TMEM131L: variants seen among roughly 807,000 people sequenced by gnomAD.
The protein encoded by TMEM131L is transmembrane 131 like.
TMEM131L carries 54 observed loss-of-function variants against 192.2 expected under a neutral mutation model. The observed-to-expected ratio is 0.28, with a 90% CI of 0.23 to 0.35. TMEM131L has a LOEUF of 0.35. Ranked by LOEUF, TMEM131L falls within the 10% of genes least tolerant of loss-of-function variation. TMEM131L has a pLI of 1.00. For missense variants in TMEM131L, 1,888 were observed against 1,972.9 expected (o/e 0.96, Z 0.82); for synonymous variants, 701 against 704.9 (o/e 0.99, Z 0.09).
intron 4 of TMEM131L, among the ~76,000 whole-genome samples, chr4:153,550,436 C>A (rs567991202): frequency 6.6e-6 from 1 of 152,240 alleles, no homozygotes; most frequent in Admixed American, 6.5e-5. Flanking sequence ...ACGCCATTCT[C>A]CTACCTCAGC....
intron 7 of TMEM131L, among the ~76,000 whole-genome samples, chr4:153,570,437 G>A (rs1045027571): frequency 6.6e-6 from 1 of 152,182 alleles, no homozygotes; most frequent in Non-Finnish European, 1.5e-5. Context: ...TTAGTCAGGA[G>A]GCTAATCTGG....
intron 3 of TMEM131L, among the ~76,000 whole-genome samples, chr4:153,510,578 C>T (rs1734285807): frequency 1.3e-5 from 2 of 152,120 alleles, no homozygotes; most frequent in South Asian, 4.1e-4. Flanking sequence ...AAATGTTTCC[C>T]ATTTTTGCAT....
intron 3 of TMEM131L, among the ~76,000 whole-genome samples, chr4:153,525,369 T>A (rs1284950814): frequency 6.6e-6 from 1 of 152,200 alleles, no homozygotes; most frequent in Non-Finnish European, 1.5e-5. Flanking sequence ...AGACTGGATC[T>A]CACTCTGTCA....
intron 3 of TMEM131L, among the ~76,000 whole-genome samples, chr4:153,493,221 C>T (rs1451995106): frequency 6.7e-6 from 1 of 150,020 alleles, no homozygotes. Flanking sequence ...TGGCAGGCGC[C>T]TGTAGTCCCA....
At chr4:153,487,719 T>TGTGTGAGAGA (rs369094307) in intron 3 of TMEM131L, among the ~76,000 whole-genome samples, 6 of 143,530 alleles carry the variant, frequency 4.2e-5, no homozygotes, top group South Asian at 4.7e-4. Flanking sequence ...TGTGTGTGTG[T>TGTGTGAGAGA]GAGAGAGAGA....
chr4:153,552,413 G>A (rs550745526), intron 4 of TMEM131L, among the ~76,000 whole-genome samples: 8 of 152,260 alleles, frequency 5.3e-5, no homozygotes, highest in Non-Finnish European at 1.2e-4. Context: ...GCACATGGGG[G>A]TATGTTTACA....
chr4:153,554,301 C>G (rs1200782522), intron 4 of TMEM131L: 1 of 152,140 alleles, frequency 6.6e-6, no homozygotes, highest in Non-Finnish European at 1.5e-5. Context: ...AATGGTATTA[C>G]TTAAGAACAC....
At chr4:153,513,509 C>G (rs1422352948) in intron 3 of TMEM131L, among the ~76,000 whole-genome samples, 1 of 152,158 alleles carries the variant, frequency 6.6e-6, no homozygotes, top group Non-Finnish European at 1.5e-5. Flanking sequence ...TTCTTACTTA[C>G]TCTTTGAGTT....
chr4:153,550,772 A>G (rs1737561240), intron 4 of TMEM131L, among the ~76,000 whole-genome samples: 1 of 152,192 alleles, frequency 6.6e-6, no homozygotes, highest in Non-Finnish European at 1.5e-5. Flanking sequence ...CACTAGATTC[A>G]TTTGCTCACT....
At chr4:153,569,493 G>C (rs914774678) in intron 7 of TMEM131L, among the ~76,000 whole-genome samples, 2 of 152,134 alleles carry the variant, frequency 1.3e-5, no homozygotes, top group East Asian at 1.9e-4. Flanking sequence ...TGCAATATCC[G>C]GTACAGTTTA....
chr4:153,499,260 G>A (rs922567996), intron 3 of TMEM131L, among the ~76,000 whole-genome samples: 2 of 152,168 alleles, frequency 1.3e-5, no homozygotes, highest in Non-Finnish European at 2.9e-5. Flanking sequence ...TCCAGTCGCT[G>A]TAGCTCAGAC....
intron 7 of TMEM131L, 190 bp downstream of exon 7, chr4:153,558,558 G>T: frequency 5.0e-6 from 2 of 399,756 alleles, no homozygotes; most frequent in Non-Finnish European, 4.5e-6. Flanking sequence ...ATATTCCAGA[G>T]TTTGCTTAAT....
chr4:153,598,852 T>A, intron 21 of TMEM131L, 120 bp downstream of exon 21: 1 of 785,334 alleles, frequency 1.3e-6, no homozygotes. Flanking sequence ...TCTAAAAATT[T>A]ATAGTAAATT....
At chr4:153,509,848 A>G (rs1490292768) in intron 3 of TMEM131L, among the ~76,000 whole-genome samples, 2 of 152,214 alleles carry the variant, frequency 1.3e-5, no homozygotes, top group Non-Finnish European at 2.9e-5. Flanking sequence ...CCCTAAAGTA[A>G]CTGGATCAGG....
intron 3 of TMEM131L, among the ~76,000 whole-genome samples, chr4:153,521,778 C>T (rs1249814142): frequency 1.3e-5 from 2 of 151,838 alleles, no homozygotes; most frequent in Admixed American, 6.6e-5. Flanking sequence ...GAGAATCATA[C>T]GTTACTTGTC....
intron 31 of TMEM131L, among the ~76,000 whole-genome samples, chr4:153,629,705 A>G (rs1393178609): frequency 1.3e-5 from 2 of 152,084 alleles, no homozygotes; most frequent in African/African-American, 4.8e-5. Context: ...CACATTGCTG[A>G]GTGCTTGGTT....
chr4:153,544,071 A>G (rs1259404700), intron 3 of TMEM131L, among the ~76,000 whole-genome samples: 2 of 151,434 alleles, frequency 1.3e-5, no homozygotes, highest in Non-Finnish European at 2.9e-5. Flanking sequence ...GGCTAAAGCC[A>G]TTGTTGCTGT....
Position 153,603,961 on chromosome 4 carries a change from G to A in TMEM131L, c.2949G>A (p.Val983=). 1 of 1,614,028 alleles carries A rather than the reference G, an allele frequency of 6.2e-7. No homozygotes were observed. The highest frequency in any genetic ancestry group is 8.5e-7 in the Non-Finnish European group (1 of 1,179,966). The change falls in exon 25 of 35, where the codon GTG becomes GTA. Residue 983 remains valine (V), a synonymous_variant. Coordinates refer to ENST00000409959, the MANE Select transcript of TMEM131L (RefSeq NM_001131007.2). ...CTCAGAAGAAGCACAAATGCTCAGT[G>A]TATTACAGTAAACACAAAACCAGCA... ...GHSQKKHKCS[V]YYSKHKTSTA...
At position 153,580,866 on chromosome 4, in the gene TMEM131L, A is replaced by G; in HGVS notation, c.701A>G (p.Glu234Gly). The change falls in exon 8 of 35, where the codon GAA becomes GGA. Residue 234 changes from glutamate (E) to glycine (G), a missense_variant. By Grantham distance (98) the Glu-to-Gly change is moderately conservative (BLOSUM62 -2). Coordinates refer to ENST00000409959, the MANE Select transcript of TMEM131L (RefSeq NM_001131007.2). ...TNTSLLQVQL[E>G]CSLHNKVCQQ... ...ACTAGCCTCTTGCAGGTGCAACTGG[A>G]ATGCAGTTTACATAATAAAGTGTGT... 6.2e-7 allele frequency: 1 copy of G among 1,612,792 alleles called. No individual in the cohort carries two copies. The highest frequency in any genetic ancestry group is 8.5e-7 in the Non-Finnish European group (1 of 1,178,826).
Sources: allele counts gnomAD v4.1 joint callset (sites outside exome capture counted in the v4.1 genomes callset), GRCh38; gene constraint gnomAD v4.1.1; transcripts MANE v1.5; gene names NCBI Gene and HGNC (gene_info 2026-07-23, HGNC 2026-07-21).